URGCP: variants seen among roughly 807,000 people sequenced by gnomAD.
URGCP encodes the protein upregulator of cell proliferation, also known as up-regulator of cell proliferation.
In URGCP, 13 loss-of-function variants were observed where a neutral mutation model predicts 24.6. The observed-to-expected ratio is 0.53, with a 90% CI of 0.34 to 0.84. The LOEUF (loss-of-function observed/expected upper bound fraction) is 0.84, where lower values mean the gene tolerates loss of function less well. URGCP is among the 40% of genes least tolerant of loss of function. URGCP has a pLI of 0.01. For missense variants in URGCP, 899 were observed against 1,194.3 expected (o/e 0.75, Z 3.64); for synonymous variants, 444 against 487.2 (o/e 0.91, Z 1.17).
chr7:43,879,347 G>T, intron 5 of URGCP, 87 bp from the exon 6 acceptor site: 1 of 1,461,290 alleles, frequency 6.8e-7, no homozygotes, highest in Non-Finnish European at 9.1e-7. Context: ...AGCCCAGCAG[G>T]ATGGGGAGAG....
rs887341376 is a variant in URGCP at position 43,919,253 on chromosome 7, T to C, written c.-116+6879A>G. 4.5e-5 allele frequency: 37 copies of C among 824,718 alleles called. No homozygotes were observed. The African/African-American group carries it at 5.2e-4, about 11-fold the overall frequency. The allele number at this position is 824,718 out of a possible 1,614,324, so 51.1% of individuals were successfully genotyped here. A position where few individuals can be genotyped will look rare whatever the true frequency, so the allele number is the denominator to read the frequency against. On this transcript the variant is annotated intron_variant, in intron 1 of 5. Transcript: ENST00000426198. ...TGAGCAACGTGGTGGTCCAGCTTTA[T>C]AATTCACTCCTCACACTCAAGAGGC...
Position 43,878,772 on chromosome 7 carries a change from C to G in URGCP, c.691G>C (p.Ala231Pro). The G allele has an allele frequency of 1.2e-6, 2 of 1,614,068 alleles. No homozygotes were observed. The highest frequency in any genetic ancestry group is 1.7e-6 in the Non-Finnish European group (2 of 1,179,962). Residue 231 changes from alanine (A) to proline (P), a missense_variant, in exon 6 of 6, where the codon GCC becomes CCC. Transcript: ENST00000453200. This position sits in a 1 kb window ranked among gnomAD's most constrained non-coding sequence, Gnocchi z 5.6. ...CATGTCCTCACAATGCCCCGCATGGCCCACAGCAGAAATGTATGGTAGTGG... is the reference window on the plus strand; with the variant it reads ...CATGTCCTCACAATGCCCCGCATGGGCCACAGCAGAAATGTATGGTAGTGG... Reference protein sequence around the residue: ...ENHYHTFLLWAMRGIVRTWWS... With the variant: ...ENHYHTFLLWPMRGIVRTWWS...
chr7:43,926,635 A>G, upstream of URGCP: 1 of 1,445,482 alleles, frequency 6.9e-7, no homozygotes, highest in Non-Finnish European at 9.2e-7. Flanking sequence ...CCGTGAAGTG[A>G]AAGGTGACGG....
At position 43,877,843 on chromosome 7, in the gene URGCP, G is replaced by A. The variant is rs766273111; in HGVS notation, c.1620C>T (p.Asn540=). The A allele has an allele frequency of 7.7e-5, 124 of 1,611,042 alleles. 2 individuals are homozygous for A. The highest frequency in any genetic ancestry group is 4.8e-4 in the South Asian group (44 of 90,878). ...GCACCCCCGAGGAGGGATCATGGCC[G>A]TTCTGCTGCATTCGAAGTTCTAGCA... ...RRLLELRMQQ[N]GHDPSSGVQE... Residue 540 remains asparagine (N), a synonymous_variant, in exon 6 of 6, where the codon AAC becomes AAT. Coordinates refer to ENST00000453200, the MANE Select transcript of URGCP (RefSeq NM_001077663.3).
chr7:43,878,710 C>T lies in URGCP; in HGVS notation c.753G>A (p.Arg251=). 6.2e-7 allele frequency: 1 copy of T among 1,614,092 alleles called. No homozygotes were observed. Residue 251 remains arginine (R), a synonymous_variant, in exon 6 of 6, where the codon CGG becomes CGA. Coordinates refer to ENST00000453200, the MANE Select transcript of URGCP (RefSeq NM_001077663.3). This position sits in a 1 kb window ranked among gnomAD's most constrained non-coding sequence, Gnocchi z 5.6. The part of the protein sequence containing the change: ...SQPPRGMGSF[R]EDSVVLSRAP... ...CCCTGGACAAGACCACGCTGTCTTC[C>T]CGGAAGCTCCCCATGCCCCTTGGGG...
upstream of URGCP, among the ~76,000 whole-genome samples, chr7:43,907,608 G>A (rs559751994): frequency 6.6e-6 from 1 of 152,276 alleles, no homozygotes; most frequent in East Asian, 1.9e-4. Context: ...TCTGAAGCCA[G>A]AATACCTGTG....
chr7:43,915,866 G>A (rs917195801), intron 1 of URGCP, among the ~76,000 whole-genome samples: 11 of 152,052 alleles, frequency 7.2e-5, no homozygotes, highest in Admixed American at 2.0e-4. Context: ...AAAATTAGCC[G>A]GGCATGGTGG....
intron 1 of URGCP, among the ~76,000 whole-genome samples, chr7:43,897,077 C>T (rs1042337989): frequency 1.3e-5 from 2 of 152,108 alleles, no homozygotes; most frequent in Non-Finnish European, 1.5e-5. Flanking sequence ...AAGTGTAGGA[C>T]TTGTAGCCCC....
upstream of URGCP, among the ~76,000 whole-genome samples, chr7:43,908,761 T>C (rs2095906915): frequency 6.6e-6 from 1 of 152,200 alleles, no homozygotes; most frequent in Admixed American, 6.5e-5. Flanking sequence ...GCCAAGATGG[T>C]CTACAAGCTT....
intron 1 of URGCP, among the ~76,000 whole-genome samples, chr7:43,900,493 GA>G (rs2095888623): frequency 1.4e-5 from 2 of 144,954 alleles, no homozygotes; most frequent in African/African-American, 2.5e-5. Flanking sequence ...AAAAGAAAAA[GA>G]AAAAAAGTCA....
intron 1 of URGCP, among the ~76,000 whole-genome samples, chr7:43,893,438 T>G (rs191441831): frequency 1.9e-4 from 29 of 152,382 alleles, no homozygotes; most frequent in Non-Finnish European, 3.2e-4. Context: ...GGAGGATTGC[T>G]TTAGCCTGGG....
intron 5 of URGCP, 78 bp downstream of exon 5, chr7:43,881,581 A>G: frequency 6.2e-7 from 1 of 1,603,026 alleles, no homozygotes; most frequent in Non-Finnish European, 8.5e-7. Context: ...GATTTGATAC[A>G]GTCAGGTGTG....
intron 1 of URGCP, among the ~76,000 whole-genome samples, chr7:43,922,646 A>C (rs2095923722): frequency 6.6e-6 from 1 of 152,036 alleles, no homozygotes; most frequent in Non-Finnish European, 1.5e-5. Flanking sequence ...AGCAACCTCA[A>C]CCTCCTAGGC....
intron 1 of URGCP, chr7:43,919,883 T>C: frequency 7.7e-7 from 1 of 1,302,824 alleles, no homozygotes; most frequent in Non-Finnish European, 1.1e-6. Flanking sequence ...GTCGCCAATA[T>C]GACAAGCTGC....
intron 1 of URGCP, among the ~76,000 whole-genome samples, chr7:43,923,395 T>C (rs1413247730): frequency 2.0e-5 from 3 of 150,326 alleles, no homozygotes; most frequent in Non-Finnish European, 4.4e-5. Context: ...CAAGCAATAA[T>C]CATACCTCAA....
chr7:43,881,267 TA>T (rs1257776722), intron 5 of URGCP: 10 of 701,358 alleles, frequency 1.4e-5, no homozygotes, highest in Non-Finnish European at 2.6e-5. Context: ...CTGGGCCCAG[TA>T]TCCTGATCTG....
intron 1 of URGCP, chr7:43,919,090 T>G: frequency 3.3e-6 from 3 of 920,260 alleles, no homozygotes; most frequent in Non-Finnish European, 5.5e-6. Context: ...AGTGACAATC[T>G]AGATGGCTTT....
intron 1 of URGCP, chr7:43,919,439 C>A: frequency 1.1e-6 from 1 of 927,416 alleles, no homozygotes; most frequent in East Asian, 2.4e-5. Context: ...GCTACCCCAG[C>A]TACATGGACA....
chr7:43,925,850 T>A (rs935532731), intron 1 of URGCP, among the ~76,000 whole-genome samples: 5 of 150,070 alleles, frequency 3.3e-5, no homozygotes, highest in Non-Finnish European at 7.4e-5. Flanking sequence ...TTAAATTGAT[T>A]TCGTGACACA....
Sources: allele counts gnomAD v4.1 joint callset (sites outside exome capture counted in the v4.1 genomes callset), GRCh38; gene constraint gnomAD v4.1.1; non-coding constraint Gnocchi (gnomAD v3.1); transcripts MANE v1.5; gene names NCBI Gene and HGNC (gene_info 2026-07-23, HGNC 2026-07-21).